Variants in PCDH7 observed in about 807,000 individuals in gnomAD.
PCDH7 encodes the protein protocadherin-7.
PCDH7 carries 17 observed loss-of-function variants against 58.9 expected under a neutral mutation model. The observed-to-expected ratio is 0.29, with a 90% CI of 0.20 to 0.43. PCDH7 has a LOEUF of 0.43. PCDH7 is among the 20% of genes least tolerant of loss of function. The pLI, the probability that PCDH7 is intolerant of heterozygous loss-of-function variation, is 1.00. For synonymous variants in PCDH7, 664 were observed against 616.4 expected (o/e 1.08, Z -1.14); for missense variants, 1,274 against 1,441.0 (o/e 0.88, Z 1.88).
At chr4:30,921,358 TCTAA>T (rs1560503098) in intron 2 of PCDH7, among the ~76,000 whole-genome samples, 1 of 152,140 alleles carries the variant, frequency 6.6e-6, no homozygotes, top group South Asian at 2.1e-4. Flanking sequence ...CATAAGACGC[TCTAA>T]CTTTTTGTTA....
chr4:30,838,315 T>C (rs1730769368), intron 1 of PCDH7, among the ~76,000 whole-genome samples: 1 of 148,370 alleles, frequency 6.7e-6, no homozygotes, highest in South Asian at 2.1e-4. Context: ...TTGATATACA[T>C]TTTTTTTTTA....
At chr4:31,016,580 G>A (rs575197134) in intron 3 of PCDH7, among the ~76,000 whole-genome samples, 1 of 152,134 alleles carries the variant, frequency 6.6e-6, no homozygotes, top group East Asian at 1.9e-4. Flanking sequence ...GGTATCAGTA[G>A]GAAGTAGCAG....
At chr4:30,953,016 G>T (rs1266763189) in intron 3 of PCDH7, among the ~76,000 whole-genome samples, 1 of 152,106 alleles carries the variant, frequency 6.6e-6, no homozygotes, top group East Asian at 1.9e-4. Context: ...CTGAAGCGTA[G>T]AATAAATATT....
exon 1 of PCDH7, chr4:30,724,525 G>A: frequency 1.9e-6 from 3 of 1,614,142 alleles, no homozygotes; most frequent in Non-Finnish European, 2.5e-6. Context: ...GGGAGCAGGA[G>A]ACAACATTTC....
chr4:30,731,163 T>G (rs1225897913), exon 2 of PCDH7: 7 of 1,001,736 alleles, frequency 7.0e-6, no homozygotes, highest in Non-Finnish European at 8.3e-6. Context: ...CTCTTATGTC[T>G]TTGTCTTTAA....
At chr4:30,764,390 G>A (rs565180624) in intron 1 of PCDH7, among the ~76,000 whole-genome samples, 6 of 152,192 alleles carry the variant, frequency 3.9e-5, no homozygotes, top group South Asian at 2.1e-4. Flanking sequence ...TAGCATCAAC[G>A]AGCCATCCTT....
intron 1 of PCDH7, among the ~76,000 whole-genome samples, chr4:30,786,478 A>G (rs374179612): frequency 2.6e-5 from 4 of 152,146 alleles, no homozygotes; most frequent in African/African-American, 9.6e-5. Flanking sequence ...CCATGCAAAC[A>G]TCTCTTGTCA....
At chr4:30,930,939 TA>T (rs1210975341) in intron 2 of PCDH7, among the ~76,000 whole-genome samples, 1 of 151,186 alleles carries the variant, frequency 6.6e-6, no homozygotes, top group Non-Finnish European at 1.5e-5. Context: ...ACCCTGTCTC[TA>T]AAAAAAACAG....
At chr4:31,094,744 G>A (rs1232849979) in intron 3 of PCDH7, among the ~76,000 whole-genome samples, 1 of 152,104 alleles carries the variant, frequency 6.6e-6, no homozygotes, top group African/African-American at 2.4e-5. Flanking sequence ...GTACAGTTTA[G>A]CTGAAGTCTG....
At chr4:31,092,382 C>A (rs548762136) in intron 3 of PCDH7, among the ~76,000 whole-genome samples, 2 of 151,916 alleles carry the variant, frequency 1.3e-5, no homozygotes, top group Non-Finnish European at 2.9e-5. Context: ...TCTAACCTAT[C>A]AGCAGCGATA....
At chr4:30,905,366 C>T (rs1740784197) in intron 1 of PCDH7, among the ~76,000 whole-genome samples, 2 of 151,758 alleles carry the variant, frequency 1.3e-5, no homozygotes, top group Admixed American at 6.6e-5. Context: ...CGACCTCATT[C>T]AGCTGCGTCT....
Position 31,072,628 on chromosome 4 carries a change from T to A in PCDH7, c.*8-69845T>A, listed in dbSNP as rs555523940. Among the ~76,000 whole-genome samples the A allele has an allele frequency of 2.0e-5, 3 of 152,174 alleles. No individual in the cohort carries two copies. In the South Asian group the frequency reaches 6.2e-4, roughly 32 times the overall value. On this transcript the variant is annotated intron_variant, in intron 3 of 3. Transcript: ENST00000509759. ...AACTTTAAGAGTGAGGAACACCATG[T>A]ATGAAGATATGAAGGCCAGAAGTCC...
chr4:30,875,221 C>T (rs1403405324), intron 1 of PCDH7, among the ~76,000 whole-genome samples: 1 of 152,030 alleles, frequency 6.6e-6, no homozygotes, highest in Non-Finnish European at 1.5e-5. Context: ...GTTTGGCCAT[C>T]GTCGTGTTCA....
chr4:30,907,118 C>A (rs1168045707), intron 1 of PCDH7, among the ~76,000 whole-genome samples: 1 of 152,054 alleles, frequency 6.6e-6, no homozygotes, highest in Non-Finnish European at 1.5e-5. Flanking sequence ...TATTATTAAA[C>A]CAAGATTCAA....
rs992408652 is a variant in PCDH7, at chr4:31,001,143, A to G, written c.*7+50928A>G. ...GCTACATATGCAATCATCTGTAACAAAAACCTGCGGACAAAAAAAAGTTCA... is the reference window on the plus strand; with the variant it reads ...GCTACATATGCAATCATCTGTAACAGAAACCTGCGGACAAAAAAAAGTTCA... On this transcript the variant is annotated intron_variant, in intron 3 of 3. Coordinates refer to the PCDH7 transcript ENST00000509759. Among the ~76,000 whole-genome samples, 4 of 152,066 alleles carry G rather than the reference A, an allele frequency of 2.6e-5. No individual in the cohort carries two copies. In the East Asian group the frequency reaches 7.7e-4, roughly 29 times the overall value.
chr4:30,830,286 TA>T (rs201086920), intron 1 of PCDH7, among the ~76,000 whole-genome samples: 1 of 152,056 alleles, frequency 6.6e-6, no homozygotes, highest in East Asian at 1.9e-4. Flanking sequence ...AAAGTTAGTT[TA>T]AAAAAAGTAA....
intron 3 of PCDH7, among the ~76,000 whole-genome samples, chr4:31,126,127 T>TC (rs1718270570): frequency 9.8e-6 from 1 of 101,716 alleles, no homozygotes; most frequent in African/African-American, 5.1e-5. Flanking sequence ...ATATCCTTTC[T>TC]TTTTTTTTTT....
chr4:30,946,689 T>TG (rs1342199967), intron 2 of PCDH7, among the ~76,000 whole-genome samples: 160 of 137,082 alleles, frequency 1.2e-3, no homozygotes, highest in Admixed American at 1.2e-3. Context: ...CCTTATCTCT[T>TG]TTGTGTGTGT....
intron 1 of PCDH7, among the ~76,000 whole-genome samples, chr4:30,882,389 A>G (rs573708973): frequency 6.6e-6 from 1 of 152,116 alleles, no homozygotes; most frequent in African/African-American, 2.4e-5. Flanking sequence ...CCTCCCAAGT[A>G]GTTGGGATGA....
Sources: allele counts gnomAD v4.1 joint callset (sites outside exome capture counted in the v4.1 genomes callset), GRCh38; gene constraint gnomAD v4.1.1; transcripts MANE v1.5; gene names NCBI Gene and HGNC (gene_info 2026-07-23, HGNC 2026-07-21).